Variants in CRACD observed in about 807,000 individuals in gnomAD.
The protein encoded by CRACD is capping protein inhibiting regulator of actin dynamics.
In CRACD, 56 loss-of-function variants were observed where a neutral mutation model predicts 106.8. The ratio of observed to expected loss-of-function variants is 0.52; its 90% CI spans 0.42 to 0.66. CRACD has a LOEUF of 0.66. Among genes scored for constraint, CRACD ranks in the 30% least tolerant of loss-of-function variants. The pLI, the probability that CRACD is intolerant of heterozygous loss-of-function variation, is 0.00. For synonymous variants in CRACD, 754 were observed against 670.8 expected, an observed-to-expected ratio of 1.12 and a Z score of -1.92; for missense variants, 1,730 against 1,623.2, an observed-to-expected ratio of 1.07 and a Z score of -1.13.
Position 56,323,303 on chromosome 4 carries a change from T to C in CRACD, c.3188-74T>C, listed in dbSNP as rs1746219866. 3.0e-6 allele frequency: 4 copies of C among 1,331,466 alleles called. No individual in the cohort carries two copies. The South Asian group carries it at 5.3e-5, about 18-fold the overall frequency. 82.5% of individuals were successfully genotyped at this position (1,331,466 alleles called of 1,614,324 possible). Reference sequence around the variant, plus strand: ...ATAGGGTTATTAATATGTCACAAGTTTTAGGGGGTGAGGAACTGAGGTAAG... The same window carrying C: ...ATAGGGTTATTAATATGTCACAAGTCTTAGGGGGTGAGGAACTGAGGTAAG... On this transcript the variant is annotated intron_variant, in intron 8 of 10. Transcript: ENST00000682029.
At chr4:56,119,551 T>C (rs1368447303) in intron 1 of CRACD, among the ~76,000 whole-genome samples, 1 of 151,966 alleles carries the variant, frequency 6.6e-6, no homozygotes, top group African/African-American at 2.4e-5. Flanking sequence ...TCCAGGCTGG[T>C]CTTGAACTCC....
intron 1 of CRACD, among the ~76,000 whole-genome samples, chr4:56,164,412 G>A (rs1406677536): frequency 6.6e-6 from 1 of 152,178 alleles, no homozygotes; most frequent in Non-Finnish European, 1.5e-5. Flanking sequence ...GGGATTACAG[G>A]CGTGAGCCAC....
At chr4:56,187,977 ATGAC>A (rs142478392) in intron 2 of CRACD, among the ~76,000 whole-genome samples, 44 of 152,340 alleles carry the variant, frequency 2.9e-4, no homozygotes, top group African/African-American at 1.0e-3. Flanking sequence ...CTTGAAATAA[ATGAC>A]TAATTCTGAA....
intron 2 of CRACD, among the ~76,000 whole-genome samples, chr4:56,193,725 T>G (rs1477429318): frequency 1.3e-5 from 2 of 152,230 alleles, no homozygotes; most frequent in Non-Finnish European, 2.9e-5. Context: ...GAGACTCACT[T>G]ACAAATAGTC....
intron 1 of CRACD, among the ~76,000 whole-genome samples, chr4:56,166,878 C>T (rs1736175745): frequency 6.6e-6 from 1 of 152,052 alleles, no homozygotes; most frequent in Non-Finnish European, 1.5e-5. Flanking sequence ...AGTTTTCAAA[C>T]TTCATCTGTG....
At chr4:56,158,955 CTCTT>C (rs151301363) in intron 1 of CRACD, among the ~76,000 whole-genome samples, 4,469 of 152,342 alleles carry the variant, frequency 0.029, 87 homozygotes, top group Non-Finnish European at 0.041. Flanking sequence ...AAGAATTGGA[CTCTT>C]TCTTCATCTC....
At chr4:56,185,275 A>G (rs1345035672) in intron 2 of CRACD, among the ~76,000 whole-genome samples, 2 of 152,132 alleles carry the variant, frequency 1.3e-5, no homozygotes, top group African/African-American at 4.8e-5. Context: ...CATTTAGTAT[A>G]TTCAGACTGT....
chr4:56,299,735 A>C (rs191825066), intron 4 of CRACD, among the ~76,000 whole-genome samples: 49 of 151,642 alleles, frequency 3.2e-4, no homozygotes, highest in African/African-American at 1.1e-3. Context: ...GAGGCTCTCC[A>C]GCTAGCTGCT....
Position 56,324,136 on chromosome 4 carries a change from T to A in CRACD, c.3411T>A (p.Ser1137Arg), listed in dbSNP as rs1306267638. The part of the protein sequence containing the change: ...VSVSVQPGSS[S>R]VSRAGSLHKS... ...TCAGCGTGCAGCCTGGAAGCAGCAGTGTCAGCAGAGCAGGTTCCCTGCACA... is the reference window on the plus strand; with the variant it reads ...TCAGCGTGCAGCCTGGAAGCAGCAGAGTCAGCAGAGCAGGTTCCCTGCACA... The change falls in exon 10 of 11, where the codon AGT (serine) becomes AGA (arginine). Residue 1137 changes from serine to arginine, a missense_variant. Physicochemically the swap from Ser to Arg is moderately radical, Grantham distance 110 (BLOSUM62 -1). Transcript: ENST00000682029. 3.1e-6 allele frequency: 5 copies of A among 1,613,700 alleles called. No individual in the cohort carries two copies. Among genetic ancestry groups the A allele is most frequent in the Non-Finnish European group, 2.5e-6 (3 of 1,179,820 alleles).
chr4:56,067,442 C>T (rs1334779355), intron 1 of CRACD, among the ~76,000 whole-genome samples: 1 of 152,216 alleles, frequency 6.6e-6, no homozygotes, highest in Non-Finnish European at 1.5e-5. Flanking sequence ...TAAAGGGTTC[C>T]TCTTAAAAAT....
At chr4:56,238,012 C>A (rs1740094652) in intron 2 of CRACD, among the ~76,000 whole-genome samples, 1 of 151,942 alleles carries the variant, frequency 6.6e-6, no homozygotes, top group African/African-American at 2.4e-5. Context: ...ATCTATCCAT[C>A]CAGATATATA....
intron 1 of CRACD, among the ~76,000 whole-genome samples, 186 bp from the exon 2 acceptor site, chr4:56,179,098 A>G (rs867005111): frequency 9.2e-5 from 14 of 152,202 alleles, no homozygotes; most frequent in Non-Finnish European, 1.6e-4. Context: ...TTAAAGCTCT[A>G]TAGTAAATTT....
At chr4:56,172,370 G>GT (rs1257971748) in intron 1 of CRACD, among the ~76,000 whole-genome samples, 3 of 152,230 alleles carry the variant, frequency 2.0e-5, no homozygotes, top group Non-Finnish European at 2.9e-5. Context: ...TAATTCAGCT[G>GT]TATTTTCTCT....
chr4:56,062,449 G>C (rs2109787346), intron 1 of CRACD, among the ~76,000 whole-genome samples: 1 of 152,276 alleles, frequency 6.6e-6, no homozygotes, highest in East Asian at 1.9e-4. Flanking sequence ...TTTTTCCCTG[G>C]TGATACGAAA....
intron 1 of CRACD, among the ~76,000 whole-genome samples, chr4:56,174,848 G>T (rs935483754): frequency 1.3e-5 from 2 of 152,146 alleles, no homozygotes; most frequent in Non-Finnish European, 2.9e-5. Flanking sequence ...AGTTTCACAG[G>T]CTTAACAGGA....
intron 1 of CRACD, among the ~76,000 whole-genome samples, chr4:56,145,234 C>T (rs1037566285): frequency 1.3e-5 from 2 of 152,186 alleles, no homozygotes; most frequent in African/African-American, 4.8e-5. Context: ...TGATTTTACA[C>T]ACCAGAGATG....
chr4:56,137,475 G>T (rs2109872735), intron 1 of CRACD, among the ~76,000 whole-genome samples: 1 of 152,170 alleles, frequency 6.6e-6, no homozygotes, highest in Non-Finnish European at 1.5e-5. Context: ...GTGGACGAGG[G>T]GCATTCCCAG....
intron 2 of CRACD, among the ~76,000 whole-genome samples, chr4:56,209,520 A>G (rs1336915111): frequency 2.0e-5 from 3 of 152,082 alleles, no homozygotes; most frequent in Non-Finnish European, 4.4e-5. Context: ...TTTTTAGTGA[A>G]ATCCCTAGGA....
At chr4:56,239,954 C>T (rs186474482) in intron 2 of CRACD, among the ~76,000 whole-genome samples, 42 of 152,106 alleles carry the variant, frequency 2.8e-4, no homozygotes, top group Non-Finnish European at 5.1e-4. Context: ...AGATGAGAGT[C>T]AGGAGGAATG....
Sources: allele counts gnomAD v4.1 joint callset (sites outside exome capture counted in the v4.1 genomes callset), GRCh38; gene constraint gnomAD v4.1.1; transcripts MANE v1.5; gene names NCBI Gene and HGNC (gene_info 2026-07-23, HGNC 2026-07-21).